The following KIF5C variants were observed in gnomAD, a reference collection of about 807,000 sequenced individuals.
KIF5C encodes the protein kinesin heavy chain isoform 5C.
KIF5C carries 18 observed loss-of-function variants against 125.2 expected under a neutral mutation model. That is an observed-to-expected ratio of 0.14 (90% CI 0.10 to 0.21). KIF5C has a LOEUF of 0.21. Ranked by LOEUF, KIF5C falls within the 10% of genes least tolerant of loss-of-function variation. KIF5C has a pLI of 1.00. For synonymous variants in KIF5C, 405 were observed against 434.0 expected, an observed-to-expected ratio of 0.93 and a Z score of 0.83; for missense variants, 780 against 1,183.8, an observed-to-expected ratio of 0.66 and a Z score of 5.01.
intron 1 of KIF5C, among the ~76,000 whole-genome samples, chr2:148,902,597 A>G (rs1680948812): frequency 1.3e-5 from 2 of 152,324 alleles, no homozygotes; most frequent in South Asian, 4.1e-4. Context: ...GATTACAGGC[A>G]TGAGCCACTG....
intron 1 of KIF5C, among the ~76,000 whole-genome samples, chr2:148,883,104 T>C (rs1467721771): frequency 1.3e-5 from 2 of 152,226 alleles, no homozygotes; most frequent in African/African-American, 4.8e-5. Context: ...TTTGTTATTA[T>C]TCTCTTAAAA....
intron 25 of KIF5C, among the ~76,000 whole-genome samples, chr2:149,020,020 G>A (rs112833508): frequency 1.1e-3 from 165 of 152,350 alleles, no homozygotes; most frequent in African/African-American, 3.7e-3. Flanking sequence ...AAGTGAGTGA[G>A]TGGCTACTTG....
chr2:148,991,933 C>T (rs1023809402), intron 16 of KIF5C, among the ~76,000 whole-genome samples: 6 of 152,204 alleles, frequency 3.9e-5, no homozygotes, highest in African/African-American at 1.2e-4. Flanking sequence ...AACCCAGTTT[C>T]TGGGCTACCA....
chr2:148,981,406 C>T lies in KIF5C; in HGVS notation c.1414C>T (p.Arg472Cys). ...TGAGAAGATACAGGAGGAGCTGACA[C>T]GTCTCCAGATTGAAAATGAGGCAGC... is the stretch of plus-strand genomic sequence containing the variant. ...DYEKIQEELT[R>C]LQIENEAAKD... Residue 472 changes from arginine (R) to cysteine (C), a missense_variant, in exon 14 of 26, where the codon CGT becomes TGT. Arg to Cys is a radical substitution (Grantham distance 180). Transcript: ENST00000435030. 6.2e-7 allele frequency: 1 copy of T among 1,611,224 alleles called. No individual in the cohort carries two copies. Among genetic ancestry groups the T allele is most frequent in the Non-Finnish European group, 8.5e-7 (1 of 1,178,778 alleles).
chr2:148,893,839 C>T (rs1014295774), intron 1 of KIF5C, among the ~76,000 whole-genome samples: 7 of 152,252 alleles, frequency 4.6e-5, no homozygotes, highest in African/African-American at 1.4e-4. Flanking sequence ...CCCATTATCG[C>T]TTCCACCTGA....
intron 25 of KIF5C, among the ~76,000 whole-genome samples, chr2:149,016,693 G>A (rs1360708703): frequency 6.6e-6 from 1 of 152,216 alleles, no homozygotes; most frequent in Non-Finnish European, 1.5e-5. Flanking sequence ...CACCACGCAA[G>A]TGGGTGTGTG....
chr2:148,892,431 C>A (rs537637807), intron 1 of KIF5C, among the ~76,000 whole-genome samples: 1 of 152,148 alleles, frequency 6.6e-6, no homozygotes, highest in Non-Finnish European at 1.5e-5. Flanking sequence ...TAGACTGAGA[C>A]GTAAGTTTGG....
intron 4 of KIF5C, among the ~76,000 whole-genome samples, chr2:148,939,710 C>G (rs1682365594): frequency 6.6e-6 from 1 of 152,188 alleles, no homozygotes; most frequent in Non-Finnish European, 1.5e-5. Context: ...TTGCTGACTA[C>G]TTTGTATTCT....
chr2:149,001,524 AG>A (rs1197316888), intron 21 of KIF5C, among the ~76,000 whole-genome samples: 1 of 152,206 alleles, frequency 6.6e-6, no homozygotes, highest in Non-Finnish European at 1.5e-5. Context: ...TGAGACCTGC[AG>A]GGCTTTGGGT....
Position 148,875,569 on chromosome 2 carries a change from G to GGCCCGGCCCCCCCCCCCCCC in KIF5C, c.-49_-48insGCCCGGCCCCCCCCCCCCCC. On this transcript the variant is annotated 5_prime_UTR_variant, in exon 1 of 26. Transcript: ENST00000435030. ...GCGGCCTCCTCCCTCGTCGTTCCCG[G>GGCCCGGCCCCCCCCCCCCCC]CCCCGGCCCCCCACCCATCCCCGTG... The GGCCCGGCCCCCCCCCCCCCC allele has an allele frequency of 1.4e-6, 1 of 689,868 alleles. No homozygotes were observed. The highest frequency in any genetic ancestry group is 2.1e-5 in the Admixed American group (1 of 47,388). The allele number at this position is 689,868 out of a possible 1,614,324, so 42.7% of individuals were successfully genotyped here.
At position 148,993,177 on chromosome 2, in the gene KIF5C, A is replaced by T. The variant is rs545586206; in HGVS notation, c.1906-1244A>T. ...ATAGGGGACATAGGTTCAGATGGAC[A>T]TGTTCCTTTGGCCTGTGAACTCTTT... On this transcript the variant is annotated intron_variant, in intron 16 of 25. Coordinates refer to ENST00000435030, the MANE Select transcript of KIF5C (RefSeq NM_004522.3). Among the ~76,000 whole-genome samples the T allele has an allele frequency of 1.2e-4, 19 of 152,304 alleles. No homozygotes were observed. In the South Asian group the frequency reaches 3.7e-3, roughly 30 times the overall value.
chr2:148,972,757 G>A (rs1680951989), intron 11 of KIF5C, among the ~76,000 whole-genome samples: 1 of 152,218 alleles, frequency 6.6e-6, no homozygotes, highest in Non-Finnish European at 1.5e-5. Flanking sequence ...GGAGGAGACA[G>A]TGGTATTGAA....
chr2:148,919,115 C>T (rs73007600), intron 1 of KIF5C, among the ~76,000 whole-genome samples: 34 of 152,082 alleles, frequency 2.2e-4, no homozygotes, highest in African/African-American at 8.0e-4. Context: ...TCATGGACAC[C>T]TAAATGGAAA....
intron 3 of KIF5C, among the ~76,000 whole-genome samples, chr2:148,932,471 A>G (rs1048065134): frequency 3.3e-5 from 5 of 152,204 alleles, no homozygotes; most frequent in African/African-American, 1.2e-4. Flanking sequence ...TGTTAATGCT[A>G]AGCTCGGTGG....
chr2:148,907,234 C>T (rs932947335), intron 1 of KIF5C, among the ~76,000 whole-genome samples: 1 of 151,600 alleles, frequency 6.6e-6, no homozygotes, highest in African/African-American at 2.4e-5. Flanking sequence ...AGTCCCCTGA[C>T]AGTGGCTGAC....
intron 18 of KIF5C, chr2:148,998,132 G>T (rs1558939988): frequency 2.1e-6 from 1 of 475,484 alleles, no homozygotes; most frequent in South Asian, 2.4e-5. Flanking sequence ...CTCAGGCTGG[G>T]CTGTAAAAGG....
At chr2:148,968,821 C>G (rs1226690271) in intron 11 of KIF5C, among the ~76,000 whole-genome samples, 3 of 151,786 alleles carry the variant, frequency 2.0e-5, no homozygotes, top group East Asian at 3.9e-4. Flanking sequence ...GCCAGCTGCT[C>G]TCACCCATCT....
At chr2:148,896,293 C>T (rs920742224) in intron 1 of KIF5C, among the ~76,000 whole-genome samples, 3 of 152,154 alleles carry the variant, frequency 2.0e-5, no homozygotes, top group Non-Finnish European at 2.9e-5. Flanking sequence ...ACAACACATA[C>T]GTGAGCTAAG....
At position 148,979,477 on chromosome 2, in the gene KIF5C, T is replaced by A. The variant is rs1335252624; in HGVS notation, c.1362+487T>A. On this transcript the variant is annotated intron_variant, in intron 13 of 25. Coordinates refer to ENST00000435030, the MANE Select transcript of KIF5C (RefSeq NM_004522.3). ...TATTTTGAGACAGAGTTTCTCTATG[T>A]TGGTCAGGGTGATCTTGAACTCCCG... Among the ~76,000 whole-genome samples the A allele has an allele frequency of 2.6e-5, 4 of 152,260 alleles. No individual in the cohort carries two copies. In the South Asian group the frequency reaches 8.3e-4, roughly 32 times the overall value.
Sources: allele counts gnomAD v4.1 joint callset (sites outside exome capture counted in the v4.1 genomes callset), GRCh38; gene constraint gnomAD v4.1.1; transcripts MANE v1.5; gene names NCBI Gene and HGNC (gene_info 2026-07-23, HGNC 2026-07-21).